DHRSX: variants seen among roughly 807,000 people sequenced by gnomAD.
DHRSX encodes the protein dehydrogenase/reductase X-linked.
DHRSX carries 31 observed loss-of-function variants against 34.0 expected under a neutral mutation model. That is an observed-to-expected ratio of 0.91 (90% CI 0.69 to 1.23). DHRSX has a LOEUF of 1.23. Ranked by LOEUF, DHRSX falls within the 50% of genes most tolerant of loss-of-function variation. The probability of loss-of-function intolerance (pLI) is 0.00; values close to 1 mark genes in which losing one functional copy is unlikely to be tolerated. For missense variants in DHRSX, 414 were observed against 428.1 expected, an observed-to-expected ratio of 0.97 and a Z score of 0.29; for synonymous variants, 201 against 183.8, an observed-to-expected ratio of 1.09 and a Z score of -0.76.
chrX:2,497,665 T>C (rs2045316885), intron 1 of DHRSX, among the ~76,000 whole-genome samples: 1 of 152,192 alleles, frequency 6.6e-6, no homozygotes, highest in African/African-American at 2.4e-5. Context: ...TTATTTACAA[T>C]AGAACTTTTA....
intron 3 of DHRSX, among the ~76,000 whole-genome samples, chrX:2,300,490 G>T (rs1377382386): frequency 6.6e-6 from 1 of 152,110 alleles, no homozygotes. Context: ...TGAGTTAGTG[G>T]GGTGGGAAAG....
chrX:2,294,808 GAA>G (rs200100140), intron 3 of DHRSX, among the ~76,000 whole-genome samples: 1 of 149,226 alleles, frequency 6.7e-6, no homozygotes, highest in Non-Finnish European at 1.5e-5. Flanking sequence ...AGAGAGAGAG[GAA>G]AAAGAGAGGG....
At chrX:2,475,742 A>AG (rs2044669934) in intron 1 of DHRSX, among the ~76,000 whole-genome samples, 1 of 152,204 alleles carries the variant, frequency 6.6e-6, no homozygotes, top group South Asian at 2.1e-4. Flanking sequence ...AATGTGGCCA[A>AG]GGGAATGCAC....
chrX:2,261,781 T>A (rs1487733715), intron 5 of DHRSX: 1 of 150,184 alleles, frequency 6.7e-6, no homozygotes, highest in Non-Finnish European at 1.5e-5. Context: ...AAAAAAAAAA[T>A]GAGTAAATAC....
chrX:2,348,053 A>AG (rs2042742860), intron 3 of DHRSX, among the ~76,000 whole-genome samples: 1 of 152,186 alleles, frequency 6.6e-6, no homozygotes, highest in South Asian at 2.1e-4. Flanking sequence ...CCAAACCCAC[A>AG]GTCAGGCAGG....
chrX:2,410,688 C>T (rs1044501100), intron 2 of DHRSX, among the ~76,000 whole-genome samples: 18 of 152,004 alleles, frequency 1.2e-4, no homozygotes, highest in African/African-American at 4.3e-4. Flanking sequence ...ATGCACTTTT[C>T]AAAAAACAAT....
Position 2,269,544 on chromosome X carries a change from T to A in DHRSX, c.389-2597A>T, listed in dbSNP as rs2041521343. ...TGTGTATTTTATATGTATGTATTTA[T>A]TTATTTTTTGAGGAGGAGTTTCGCT... On this transcript the variant is annotated intron_variant, in intron 4 of 6. Transcript: ENST00000334651. 3.3e-5 allele frequency among the ~76,000 whole-genome samples: 5 copies of A among 152,186 alleles called. No homozygotes were observed. The South Asian group carries it at 1.0e-3, about 32-fold the overall frequency.
chrX:2,222,683 G>C (rs1273967884), intron 6 of DHRSX, among the ~76,000 whole-genome samples: 2 of 152,198 alleles, frequency 1.3e-5, no homozygotes, highest in Non-Finnish European at 2.9e-5. Flanking sequence ...TTCAAGATGA[G>C]TGTGGGCCAC....
chrX:2,493,866 GGAGGCT>G (rs1379341786), intron 1 of DHRSX, among the ~76,000 whole-genome samples: 11 of 152,220 alleles, frequency 7.2e-5, no homozygotes, highest in African/African-American at 2.4e-4. Flanking sequence ...CAGCTACTCG[GGAGGCT>G]GAGGCACGAG....
chrX:2,464,213 C>T (rs1219501669), intron 1 of DHRSX, among the ~76,000 whole-genome samples: 1 of 142,252 alleles, frequency 7.0e-6, no homozygotes, highest in East Asian at 2.1e-4. Flanking sequence ...CCGCCGTGTA[C>T]ACACTTAAGA....
At chrX:2,477,470 T>G (rs1432347285) in intron 1 of DHRSX, among the ~76,000 whole-genome samples, 3 of 152,044 alleles carry the variant, frequency 2.0e-5, no homozygotes. Context: ...AGGGACAAAG[T>G]CCAGACCACA....
chrX:2,263,194 CTG>C (rs2041387157), intron 5 of DHRSX, among the ~76,000 whole-genome samples: 4 of 152,322 alleles, frequency 2.6e-5, no homozygotes, highest in South Asian at 4.1e-4. Context: ...TGTGCTCTGA[CTG>C]TGTCTGTCTC....
chrX:2,294,857 AAAAG>A (rs1191406644), intron 3 of DHRSX, among the ~76,000 whole-genome samples: 3 of 152,150 alleles, frequency 2.0e-5, no homozygotes, highest in East Asian at 3.9e-4. Flanking sequence ...AGCAGACAGA[AAAAG>A]AAAGAGAATG....
At position 2,500,805 on chromosome X, in the gene DHRSX, C is replaced by T. The variant is rs1167970270; in HGVS notation, c.109+12G>A. ...GTCCCCGGAGCCCTGACCCCTGCCC[C>T]GCCCCGCTGACCTGGCTCCAGGAAG... On this transcript the variant is annotated intron_variant, in intron 1 of 6. Coordinates refer to ENST00000334651, the MANE Select transcript of DHRSX (RefSeq NM_145177.3). 9.2e-5 allele frequency: 103 copies of T among 1,120,598 alleles called. No homozygotes were observed. Among genetic ancestry groups the T allele is most frequent in the Non-Finnish European group, 1.1e-4 (103 of 914,930 alleles). 69.4% of individuals were successfully genotyped at this position (1,120,598 alleles called of 1,614,324 possible). A position where few individuals can be genotyped will look rare whatever the true frequency, so the allele number is the denominator to read the frequency against.
At chrX:2,452,656 G>A (rs1325352646) in intron 1 of DHRSX, among the ~76,000 whole-genome samples, 6 of 151,218 alleles carry the variant, frequency 4.0e-5, no homozygotes, top group Non-Finnish European at 5.9e-5. Context: ...CACTGTGTAC[G>A]CGCGGAAGAC....
intron 3 of DHRSX, among the ~76,000 whole-genome samples, chrX:2,306,696 T>C (rs1239257331): frequency 6.6e-6 from 1 of 152,124 alleles, no homozygotes; most frequent in Non-Finnish European, 1.5e-5. Context: ...TGTTTGCTAG[T>C]ATGTGGTTGA....
At chrX:2,267,744 G>A (rs1457931040) in intron 4 of DHRSX, among the ~76,000 whole-genome samples, 1 of 151,930 alleles carries the variant, frequency 6.6e-6, no homozygotes, top group African/African-American at 2.4e-5. Context: ...TCAGGAGTTC[G>A]AGACCAGGCT....
chrX:2,289,332 G>T (rs1261855701), intron 4 of DHRSX, among the ~76,000 whole-genome samples: 2 of 152,030 alleles, frequency 1.3e-5, no homozygotes, highest in Admixed American at 6.6e-5. Context: ...TGGTCAGGCT[G>T]GTCTGGAACC....
chrX:2,253,154 C>T (rs1158803188), intron 5 of DHRSX, among the ~76,000 whole-genome samples: 2 of 152,226 alleles, frequency 1.3e-5, no homozygotes, highest in Non-Finnish European at 2.9e-5. Flanking sequence ...CGTCACTGCA[C>T]GGCCTGGGAG....
Sources: gnomAD v4.1 joint callset for allele counts (sites outside exome capture counted in the v4.1 genomes callset) on GRCh38, gnomAD v4.1.1 for gene constraint, MANE v1.5 for transcripts, NCBI Gene and HGNC (gene_info 2026-07-23, HGNC 2026-07-21) for gene names.